The following TBC1D32 variants were observed in gnomAD, a reference collection of about 807,000 sequenced individuals.
TBC1D32 encodes the protein protein broad-minded.
In TBC1D32, 151 loss-of-function variants were observed where a neutral mutation model predicts 170.3. The observed-to-expected ratio is 0.89, with a 90% CI of 0.78 to 1.01. TBC1D32 has a LOEUF of 1.01. Among genes scored for constraint, TBC1D32 ranks in the 50% least tolerant of loss-of-function variants. The probability of loss-of-function intolerance (pLI) is 0.00; values close to 1 mark genes in which losing one functional copy is unlikely to be tolerated. For missense variants in TBC1D32, 1,464 were observed against 1,457.1 expected, an observed-to-expected ratio of 1.00 and a Z score of -0.08; for synonymous variants, 498 against 488.0, an observed-to-expected ratio of 1.02 and a Z score of -0.27.
chr6:121,156,111 T>C (rs969762941), intron 24 of TBC1D32, among the ~76,000 whole-genome samples: 3 of 151,782 alleles, frequency 2.0e-5, no homozygotes, highest in Non-Finnish European at 4.4e-5. Flanking sequence ...ATACATCTAG[T>C]AGAATTCTGT....
intron 15 of TBC1D32, among the ~76,000 whole-genome samples, chr6:121,272,188 T>A (rs9375018): frequency 6.6e-6 from 1 of 152,022 alleles, no homozygotes; most frequent in Non-Finnish European, 1.5e-5. Flanking sequence ...ATTCAGGACA[T>A]AGACATGGGC....
intron 21 of TBC1D32, among the ~76,000 whole-genome samples, chr6:121,209,179 C>A (rs1792727975): frequency 6.6e-6 from 1 of 150,994 alleles, no homozygotes; most frequent in Non-Finnish European, 1.5e-5. Context: ...GTATAATTGA[C>A]ATAAATAAGC....
chr6:121,099,417 C>T (rs939731064), intron 30 of TBC1D32, among the ~76,000 whole-genome samples: 1 of 151,784 alleles, frequency 6.6e-6, no homozygotes, highest in African/African-American at 2.4e-5. Context: ...AGAAACTATA[C>T]AACAAATATG....
At chr6:121,092,567 G>C (rs1003462783) in intron 30 of TBC1D32, among the ~76,000 whole-genome samples, 2 of 151,810 alleles carry the variant, frequency 1.3e-5, no homozygotes, top group African/African-American at 4.8e-5. Context: ...CCACAGGCAG[G>C]GGGGGCTTAA....
rs527825843 is a variant in TBC1D32 at position 121,234,588 on chromosome 6, T to C, written c.2364+4482A>G. The stretch of plus-strand genomic sequence containing the variant: ...GTGATTGTTCTTAATTTGTGCTCTC[T>C]ATTTCACTGAAGAATTTTCCTTTCA... On this transcript the variant is annotated intron_variant, in intron 20 of 31. Coordinates refer to ENST00000398212, the MANE Select transcript of TBC1D32 (RefSeq NM_152730.6). 1.1e-4 allele frequency among the ~76,000 whole-genome samples: 17 copies of C among 152,232 alleles called. No homozygotes were observed. The South Asian group carries it at 3.5e-3, about 32-fold the overall frequency.
intron 15 of TBC1D32, among the ~76,000 whole-genome samples, chr6:121,263,220 C>CAAA (rs749040201): frequency 0.013 from 1,615 of 128,020 alleles, 74 homozygotes; most frequent in Admixed American, 0.089. Flanking sequence ...GCTCAAAAAA[C>CAAA]AAAACAAAAA....
rs1164868828 is a variant in TBC1D32 at position 121,091,053 on chromosome 6, A to C, written c.3466-12T>G. 6.3e-7 allele frequency: 1 copy of C among 1,575,642 alleles called. No individual in the cohort carries two copies. The highest frequency in any genetic ancestry group is 2.1e-5 in the Admixed American group (1 of 48,310). On this transcript the variant is annotated splice_polypyrimidine_tract_variant and intron_variant, in intron 30 of 31. Coordinates refer to ENST00000398212, the MANE Select transcript of TBC1D32 (RefSeq NM_152730.6). ...CATTGCAGGCAAATCTTTAAAAAAA[A>C]AAAGTAGTAAGTTCATTAAAAAATT...
chr6:121,279,966 A>G (rs1042942342), intron 14 of TBC1D32, among the ~76,000 whole-genome samples: 1 of 152,072 alleles, frequency 6.6e-6, no homozygotes, highest in African/African-American at 2.4e-5. Flanking sequence ...CATATTATCT[A>G]TAATACATTT....
At chr6:121,180,430 C>A (rs1242351219) in intron 22 of TBC1D32, among the ~76,000 whole-genome samples, 1 of 151,696 alleles carries the variant, frequency 6.6e-6, no homozygotes, top group Non-Finnish European at 1.5e-5. Flanking sequence ...AATGAAGAAC[C>A]CAGAAATAAA....
intron 9 of TBC1D32, 75 bp from the exon 10 acceptor site, chr6:121,299,580 A>G (rs930090668): frequency 7.3e-7 from 1 of 1,362,296 alleles, no homozygotes; most frequent in Middle Eastern, 1.9e-4. Flanking sequence ...ATGATTTCTA[A>G]TGACAACATC....
At chr6:121,286,752 G>A (rs1803911098) in intron 12 of TBC1D32, among the ~76,000 whole-genome samples, 1 of 152,190 alleles carries the variant, frequency 6.6e-6, no homozygotes, top group Non-Finnish European at 1.5e-5. Context: ...CAGCCAGAGA[G>A]AAAGGTCGGG....
At chr6:121,297,553 G>A (rs1331667293) in intron 10 of TBC1D32, among the ~76,000 whole-genome samples, 1 of 151,982 alleles carries the variant, frequency 6.6e-6, no homozygotes, top group Non-Finnish European at 1.5e-5. Context: ...TAGGCCGACA[G>A]CCAAAACTTT....
In TBC1D32 at chr6:121,094,501, T is replaced by C. The variant is rs568212092; in HGVS notation, c.3466-3460A>G. ...TTTTTATAAAGTTCTGCAAATCAAC[T>C]GACAACCTAGAATTCTAATAGGACA... On this transcript the variant is annotated intron_variant, in intron 30 of 31. Coordinates refer to ENST00000398212, the MANE Select transcript of TBC1D32 (RefSeq NM_152730.6). Among the ~76,000 whole-genome samples, 102 of 152,236 alleles carry C rather than the reference T, an allele frequency of 6.7e-4. No individual in the cohort carries two copies. In the South Asian group the frequency reaches 0.02, roughly 30 times the overall value.
At chr6:121,244,494 G>C (rs1383516556) in intron 17 of TBC1D32, among the ~76,000 whole-genome samples, 5 of 152,136 alleles carry the variant, frequency 3.3e-5, no homozygotes, top group Non-Finnish European at 7.4e-5. Context: ...CCTGCTGTGG[G>C]GGTGGTTTTC....
chr6:121,334,559 G>A (rs963106792), upstream of TBC1D32: 5 of 1,163,498 alleles, frequency 4.3e-6, no homozygotes, highest in Non-Finnish European at 6.0e-6. Flanking sequence ...ACCGCGGCGA[G>A]CGCCTGTGCC....
At chr6:121,207,788 A>G (rs1361375867) in intron 21 of TBC1D32, among the ~76,000 whole-genome samples, 2 of 152,208 alleles carry the variant, frequency 1.3e-5, no homozygotes, top group Non-Finnish European at 2.9e-5. Flanking sequence ...CTGGAAAAAC[A>G]AAAAGGAATA....
At chr6:121,300,218 C>A (rs778316551) in intron 9 of TBC1D32, among the ~76,000 whole-genome samples, 105 of 152,076 alleles carry the variant, frequency 6.9e-4, no homozygotes, top group Non-Finnish European at 1.4e-3. Context: ...ATGAGGCGGG[C>A]AAATCACGAG....
At position 121,270,626 on chromosome 6, in the gene TBC1D32, A is replaced by G. The variant is rs187690378; in HGVS notation, c.1733+8495T>C. Among the ~76,000 whole-genome samples, 890 of 152,306 alleles carry G rather than the reference A, an allele frequency of 5.8e-3. 9 individuals carry two copies. The highest frequency in any genetic ancestry group is 0.02 in the African/African-American group (841 of 41,546). ...AACTTGAGGCAATAATTAATAGCCTACCAACCAAAAAAAGTCCAGGACCAG... is the reference window on the plus strand; with the variant it reads ...AACTTGAGGCAATAATTAATAGCCTGCCAACCAAAAAAAGTCCAGGACCAG... On this transcript the variant is annotated intron_variant, in intron 15 of 31. Coordinates refer to ENST00000398212, the MANE Select transcript of TBC1D32 (RefSeq NM_152730.6).
intron 22 of TBC1D32, among the ~76,000 whole-genome samples, chr6:121,171,224 G>A (rs1786937799): frequency 6.6e-6 from 1 of 150,568 alleles, no homozygotes; most frequent in African/African-American, 2.4e-5. Context: ...ACCAAATTCA[G>A]AGTTTTGAGA....
Sources: gnomAD v4.1 joint callset for allele counts (sites outside exome capture counted in the v4.1 genomes callset) on GRCh38, gnomAD v4.1.1 for gene constraint, MANE v1.5 for transcripts, NCBI Gene and HGNC (gene_info 2026-07-23, HGNC 2026-07-21) for gene names.